Variants in NFE2L3 observed in about 807,000 individuals in gnomAD.
The protein encoded by NFE2L3 is NFE2 like bZIP transcription factor 3.
In NFE2L3, 18 loss-of-function variants were observed where a neutral mutation model predicts 23.5. The ratio of observed to expected loss-of-function variants is 0.77; its 90% confidence interval spans 0.53 to 1.13. NFE2L3 has a LOEUF of 1.13. Among genes scored for constraint, NFE2L3 ranks in the 50% most tolerant of loss-of-function variants. The probability of loss-of-function intolerance (pLI) is 0.00; values close to 1 mark genes in which losing one functional copy is unlikely to be tolerated. For missense variants in NFE2L3, 1,152 were observed against 877.2 expected (o/e 1.31, Z -3.96); for synonymous variants, 424 against 354.5 (o/e 1.20, Z -2.20).
chr7:26,185,906 CAGTT>C lies in NFE2L3; in HGVS notation c.*125_*128del, dbSNP rs1019470195. The stretch of plus-strand genomic sequence containing the variant: ...TTTAAGTACTGCTACTTGAATAACT[CAGTT>C]AACGCTGTTTTGAAGCTTACATGGA... On this transcript the variant is annotated 3_prime_UTR_variant, in exon 4 of 4. Transcript: ENST00000056233. 8 of 808,334 alleles carry C rather than the reference CAGTT, an allele frequency of 9.9e-6. No individual in the cohort carries two copies. Among genetic ancestry groups the C allele is most frequent in the African/African-American group, 1.7e-5 (1 of 57,422 alleles). The allele number at this position is 808,334 out of a possible 1,614,324, so 50.1% of individuals were successfully genotyped here. A position where few individuals can be genotyped will look rare whatever the true frequency, so the allele number is the denominator to read the frequency against.
chr7:26,183,649 C>T (rs924432727), intron 2 of NFE2L3, 52 bp from the exon 3 acceptor site: 4 of 1,134,142 alleles, frequency 3.5e-6, no homozygotes, highest in Non-Finnish European at 5.4e-6. Context: ...CCTAAAGCCC[C>T]AACCAGTTCA....
At chr7:26,156,501 T>G (rs1043953356) in intron 1 of NFE2L3, among the ~76,000 whole-genome samples, 3 of 152,190 alleles carry the variant, frequency 2.0e-5, no homozygotes, top group African/African-American at 7.2e-5. Flanking sequence ...CTGGGGCTTA[T>G]CATGATCTGA....
intron 1 of NFE2L3, among the ~76,000 whole-genome samples, chr7:26,153,471 G>T (rs558330754): frequency 6.6e-6 from 1 of 152,252 alleles, no homozygotes; most frequent in Non-Finnish European, 1.5e-5. Context: ...CCTCTGGGAG[G>T]ATGCATGTTT....
In NFE2L3 at chr7:26,183,761, T is replaced by C. The variant is rs749205680; in HGVS notation, c.811T>C (p.Ser271Pro). ...SLEDLFQLLS[S>P]QPENSLEGIS... ...GGAAGACTTATTCCAGTTGCTTTCA[T>C]CACAGCCTGAAAATTCACTGGAGGT... The change falls in exon 3 of 4, where the codon TCA becomes CCA. Residue 271 changes from serine (S) to proline (P), a missense_variant. Transcript: ENST00000056233. 20 of 1,613,024 alleles carry C rather than the reference T, an allele frequency of 1.2e-5. No individual in the cohort carries two copies. The highest frequency in any genetic ancestry group is 1.4e-5 in the Non-Finnish European group (16 of 1,179,076).
At chr7:26,170,517 T>C (rs1583931776) in intron 1 of NFE2L3, among the ~76,000 whole-genome samples, 1 of 152,092 alleles carries the variant, frequency 6.6e-6, no homozygotes, top group African/African-American at 2.4e-5. Context: ...AGGAAATGGG[T>C]TTGCTCACAT....
intron 1 of NFE2L3, among the ~76,000 whole-genome samples, chr7:26,172,781 T>C (rs1312423237): frequency 6.6e-6 from 1 of 152,222 alleles, no homozygotes; most frequent in Non-Finnish European, 1.5e-5. Flanking sequence ...GATGTTGGTT[T>C]AACTTCGTAT....
intron 1 of NFE2L3, among the ~76,000 whole-genome samples, chr7:26,154,644 C>T (rs149992723): frequency 1.3e-5 from 2 of 152,284 alleles, no homozygotes; most frequent in East Asian, 1.9e-4. Flanking sequence ...TCAACCTCCC[C>T]GGCTCCAGCA....
In NFE2L3 at chr7:26,183,721, T is replaced by C. The variant is rs750113875; in HGVS notation, c.771T>C (p.Asp257=). The C allele has an allele frequency of 2.6e-5, 42 of 1,612,172 alleles. No homozygotes were observed. In the East Asian group the frequency reaches 7.6e-4, roughly 29 times the overall value. The change falls in exon 3 of 4, where the codon GAT becomes GAC. Residue 257 remains aspartate, a synonymous_variant. Transcript: ENST00000056233. ...SRNERHLNGT[D]TSFSLEDLFQ... ...TACAGAGACATCTGAATGGGACAGA[T>C]ACTTCTTTCTCTCTGGAAGACTTAT...
At chr7:26,175,513 C>T (rs1021519692) in intron 1 of NFE2L3, among the ~76,000 whole-genome samples, 2 of 152,208 alleles carry the variant, frequency 1.3e-5, no homozygotes, top group East Asian at 3.9e-4. Context: ...TGCGGTGGCT[C>T]ACGCCTGTAA....
At position 26,178,156 on chromosome 7, in the gene NFE2L3, T is replaced by G. The variant is rs762387599; in HGVS notation, c.750+34T>G. 2.7e-5 allele frequency: 43 copies of G among 1,581,172 alleles called. 1 individual carries two copies. The highest frequency in any genetic ancestry group is 3.7e-5 in the Non-Finnish European group (43 of 1,162,848). ...GTCAGAATATTCAAGCCTTGCCGTTTTGGTTTTAATGTAGATTTTGTGGCA... is the reference window on the plus strand; with the variant it reads ...GTCAGAATATTCAAGCCTTGCCGTTGTGGTTTTAATGTAGATTTTGTGGCA... On this transcript the variant is annotated intron_variant, in intron 2 of 3. Transcript: ENST00000056233.
At chr7:26,165,406 A>G (rs1384939334) in intron 1 of NFE2L3, among the ~76,000 whole-genome samples, 1 of 152,090 alleles carries the variant, frequency 6.6e-6, no homozygotes, top group East Asian at 1.9e-4. Context: ...ATTCTCTTTG[A>G]AGCAATTGTG....
intron 1 of NFE2L3, among the ~76,000 whole-genome samples, chr7:26,169,005 T>G (rs1014692121): frequency 6.6e-6 from 1 of 152,244 alleles, no homozygotes; most frequent in African/African-American, 2.4e-5. Context: ...TGTTTTGAAC[T>G]TGGGACCTCC....
intron 1 of NFE2L3, among the ~76,000 whole-genome samples, chr7:26,161,486 G>A (rs79304645): frequency 0.014 from 2,079 of 151,928 alleles, 44 homozygotes; most frequent in African/African-American, 0.046. Context: ...CCACCAGGCT[G>A]AATGAATACC....
intron 1 of NFE2L3, among the ~76,000 whole-genome samples, chr7:26,164,126 T>A (rs1784211915): frequency 6.6e-6 from 1 of 152,258 alleles, no homozygotes. Flanking sequence ...TATGTGTGCA[T>A]GTGTCTTTAT....
intron 1 of NFE2L3, among the ~76,000 whole-genome samples, chr7:26,168,260 C>G (rs1240600994): frequency 6.6e-6 from 1 of 151,766 alleles, no homozygotes; most frequent in Non-Finnish European, 1.5e-5. Context: ...CCTCAGCCTC[C>G]CAAGTAGCTG....
chr7:26,162,040 G>A (rs972709507), intron 1 of NFE2L3, among the ~76,000 whole-genome samples: 1 of 151,982 alleles, frequency 6.6e-6, no homozygotes, highest in African/African-American at 2.4e-5. Flanking sequence ...CTACTTGGGA[G>A]GCTGAGGCAC....
chr7:26,180,182 A>G (rs1253978469), intron 2 of NFE2L3, among the ~76,000 whole-genome samples: 1 of 152,092 alleles, frequency 6.6e-6, no homozygotes, highest in Non-Finnish European at 1.5e-5. Context: ...TGTGTCCCCA[A>G]ACTGCGGAAA....
At chr7:26,154,299 G>C (rs1012144918) in intron 1 of NFE2L3, among the ~76,000 whole-genome samples, 5 of 152,170 alleles carry the variant, frequency 3.3e-5, no homozygotes, top group African/African-American at 7.2e-5. Context: ...CATGGGGTCT[G>C]TCTCACCTAA....
At chr7:26,179,879 A>G (rs761369576) in intron 2 of NFE2L3, among the ~76,000 whole-genome samples, 1 of 152,160 alleles carries the variant, frequency 6.6e-6, no homozygotes, top group Non-Finnish European at 1.5e-5. Context: ...ACTCTTTGTC[A>G]CGTGGGCACC....
Sources: allele counts gnomAD v4.1 joint callset (sites outside exome capture counted in the v4.1 genomes callset), GRCh38; gene constraint gnomAD v4.1.1; transcripts MANE v1.5; gene names NCBI Gene and HGNC (gene_info 2026-07-23, HGNC 2026-07-21).